Variants in ZNF26 observed in about 807,000 individuals in gnomAD.
The protein encoded by ZNF26 is epididymis luminal protein 179.
Under a neutral mutation model 54.9 loss-of-function variants are expected in ZNF26, and 32 were observed. The observed-to-expected ratio is 0.58, with a 90% CI of 0.44 to 0.78. ZNF26 has a LOEUF of 0.78. Ranked by LOEUF, ZNF26 falls within the 30% of genes least tolerant of loss-of-function variation. ZNF26 has a pLI of 0.00. For missense variants in ZNF26, 524 were observed against 634.0 expected, an observed-to-expected ratio of 0.83 and a Z score of 1.86; for synonymous variants, 221 against 209.2, an observed-to-expected ratio of 1.06 and a Z score of -0.49.
At chr12:132,999,086 G>A (rs1223427185) in intron 1 of ZNF26, among the ~76,000 whole-genome samples, 2 of 152,180 alleles carry the variant, frequency 1.3e-5, no homozygotes, top group Non-Finnish European at 2.9e-5. Context: ...GCAGCTCTTT[G>A]TCAGTCAGGT....
intron 1 of ZNF26, among the ~76,000 whole-genome samples, chr12:132,997,196 G>C (rs1313727267): frequency 6.6e-6 from 1 of 152,248 alleles, no homozygotes; most frequent in Non-Finnish European, 1.5e-5. Context: ...CAGAACAGGG[G>C]CTAATCAGAA....
At chr12:133,007,221 CT>C in intron 2 of ZNF26, 53 bp downstream of exon 2, 3 of 1,595,414 alleles carry the variant, frequency 1.9e-6, no homozygotes, top group Non-Finnish European at 1.7e-6. Flanking sequence ...ATTGCCATCC[CT>C]TTTTTTGTTG....
rs1431187047 is a variant in ZNF26 at position 133,018,019 on chromosome 12, A to G, written c.*6538A>G. ...GTGAGACTCCGTCTCAATAACAGCA[A>G]CAAAAAAAGCAATTATATAAAACAA... On this transcript the variant is annotated 3_prime_UTR_variant, in exon 4 of 4. Transcript: ENST00000328654. The G allele has an allele frequency of 6.6e-6, 1 of 152,288 alleles. No homozygotes were observed. The highest frequency in any genetic ancestry group is 1.5e-5 in the Non-Finnish European group (1 of 68,072). 9.4% of individuals were successfully genotyped at this position (152,288 alleles called of 1,614,324 possible).
At position 132,987,226 on chromosome 12, in the gene ZNF26, C is replaced by T. The variant is rs1952842298; in HGVS notation, c.33+353C>T. On this transcript the variant is annotated intron_variant, in intron 1 of 3. Transcript: ENST00000328654. Reference sequence around the variant, plus strand: ...GATCAGTTCCTCCTTTTTCGTTTGGCCAAATGCTTGTTTATGGAGTGTCCT... The same window carrying T: ...GATCAGTTCCTCCTTTTTCGTTTGGTCAAATGCTTGTTTATGGAGTGTCCT... Among the ~76,000 whole-genome samples the T allele has an allele frequency of 2.6e-5, 4 of 152,100 alleles. No homozygotes were observed. The South Asian group carries it at 8.3e-4, about 31-fold the overall frequency.
intron 1 of ZNF26, among the ~76,000 whole-genome samples, chr12:132,996,396 C>T (rs955427221): frequency 4.6e-4 from 70 of 152,334 alleles, no homozygotes; most frequent in African/African-American, 1.5e-3. Context: ...TCTTTTCTCT[C>T]GCAATTTTAG....
intron 1 of ZNF26, 165 bp from the exon 2 acceptor site, chr12:133,006,876 GC>G (rs1953342508): frequency 1.1e-6 from 1 of 905,402 alleles, no homozygotes; most frequent in Non-Finnish European, 1.7e-6. Context: ...GAGCCACCGT[GC>G]CTGGCACTCC....
intron 1 of ZNF26, among the ~76,000 whole-genome samples, chr12:133,000,157 T>C (rs1399901667): frequency 2.6e-5 from 4 of 152,174 alleles, no homozygotes; most frequent in African/African-American, 4.8e-5. Context: ...GACTGCTTCT[T>C]GGTCATAAAA....
chr12:132,986,984 C>G, intron 1 of ZNF26, 111 bp downstream of exon 1: 2 of 1,246,334 alleles, frequency 1.6e-6, no homozygotes, highest in Non-Finnish European at 2.3e-6. Context: ...TAATTGTGTG[C>G]GTAGTTTACT....
intron 1 of ZNF26, among the ~76,000 whole-genome samples, chr12:132,999,421 A>G (rs1953163278): frequency 1.3e-5 from 2 of 151,412 alleles, no homozygotes; most frequent in Admixed American, 1.3e-4. Flanking sequence ...CACCTGGCTG[A>G]TTTTTTTGTG....
In ZNF26 at chr12:133,024,591, C is replaced by T. The variant is rs1197553950; in HGVS notation, c.*13110C>T. 2 of 152,136 alleles carry T rather than the reference C, an allele frequency of 1.3e-5. No individual in the cohort carries two copies. Among genetic ancestry groups the T allele is most frequent in the Admixed American group, 1.3e-4 (2 of 15,270 alleles). 9.4% of individuals were successfully genotyped at this position (152,136 alleles called of 1,614,324 possible). A position where few individuals can be genotyped will look rare whatever the true frequency, so the allele number is the denominator to read the frequency against. ...AAAGCATTCTCAAAGTACGAAAGCT[C>T]CTCAGGGAAAAGATGTAATCCAAGG... On this transcript the variant is annotated 3_prime_UTR_variant, in exon 4 of 4. Transcript: ENST00000328654.
In ZNF26 at chr12:133,026,953, A is replaced by G. The variant is rs1041769302; in HGVS notation, c.*15472A>G. On this transcript the variant is annotated 3_prime_UTR_variant, in exon 4 of 4. Coordinates refer to ENST00000328654, the MANE Select transcript of ZNF26 (RefSeq NM_019591.4). ...ATAAATACCTATATAGGTTAAGAAAAATATTCAATAAATTGGAACAATTCT... is the reference window on the plus strand; with the variant it reads ...ATAAATACCTATATAGGTTAAGAAAGATATTCAATAAATTGGAACAATTCT... 2 of 152,190 alleles carry G rather than the reference A, an allele frequency of 1.3e-5. No individual in the cohort carries two copies. Among genetic ancestry groups the G allele is most frequent in the African/African-American group, 2.4e-5 (1 of 41,450 alleles). 9.4% of individuals were successfully genotyped at this position (152,190 alleles called of 1,614,324 possible).
intron 1 of ZNF26, chr12:133,006,281 CTT>C (rs1953324396): frequency 1.0e-6 from 1 of 985,312 alleles, no homozygotes; most frequent in African/African-American, 1.7e-5. Context: ...GATAAACTCT[CTT>C]GTTTATCCCC....
chr12:133,006,787 GT>G (rs1477031353), intron 1 of ZNF26: 13 of 383,414 alleles, frequency 3.4e-5, no homozygotes, highest in Non-Finnish European at 5.3e-5. Context: ...TAGAGACAGG[GT>G]TTCACCATCT....
rs1243723877 is a variant in ZNF26, at chr12:133,013,186, T to C, written c.*1705T>C. The stretch of plus-strand genomic sequence containing the variant: ...CAGGGGCAGAGATGGCTGATTTTGA[T>C]CTTGCTGGATCTTAGACCATGAGAA... On this transcript the variant is annotated 3_prime_UTR_variant, in exon 4 of 4. Coordinates refer to ENST00000328654, the MANE Select transcript of ZNF26 (RefSeq NM_019591.4). 7 of 152,232 alleles carry C rather than the reference T, an allele frequency of 4.6e-5. No homozygotes were observed. The highest frequency in any genetic ancestry group is 1.4e-4 in the African/African-American group (6 of 41,456). 9.4% of individuals were successfully genotyped at this position (152,232 alleles called of 1,614,324 possible).
chr12:133,001,538 A>G lies in ZNF26; in HGVS notation c.34-5504A>G. 1.6e-6 allele frequency: 1 copy of G among 626,616 alleles called. No homozygotes were observed. Among genetic ancestry groups the G allele is most frequent in the Non-Finnish European group, 2.5e-6 (1 of 405,178 alleles). The allele number at this position is 626,616 out of a possible 1,614,324, so 38.8% of individuals were successfully genotyped here. A position where few individuals can be genotyped will look rare whatever the true frequency, so the allele number is the denominator to read the frequency against. On this transcript the variant is annotated intron_variant, in intron 1 of 3. Transcript: ENST00000328654. This position sits in a 1 kb window ranked among gnomAD's most constrained non-coding sequence, Gnocchi z 4.7. ...AGCCTCTGACAGGGCTCTGCCCTGC[A>G]GTTCCATGGTGTATGTGATTCTTTC...
chr12:133,004,499 T>C (rs1400439159), intron 1 of ZNF26: 1 of 152,224 alleles, frequency 6.6e-6, no homozygotes, highest in African/African-American at 2.4e-5. Context: ...AATTTTTTTT[T>C]TTTAGAGACA....
chr12:132,993,158 G>A (rs1211314649), intron 1 of ZNF26, among the ~76,000 whole-genome samples: 1 of 150,980 alleles, frequency 6.6e-6, no homozygotes, highest in Non-Finnish European at 1.5e-5. Context: ...CTGAGTAGCT[G>A]GGACTACAGG....
intron 2 of ZNF26, 106 bp from the exon 3 acceptor site, chr12:133,007,331 G>A: frequency 7.6e-7 from 1 of 1,314,190 alleles, no homozygotes; most frequent in Non-Finnish European, 1.1e-6. Context: ...CTTCCTAATT[G>A]TAATCTTTCC....
chr12:133,019,027 A>T lies in ZNF26; in HGVS notation c.*7546A>T, dbSNP rs1953603590. The T allele has an allele frequency of 6.6e-6, 1 of 152,218 alleles. No homozygotes were observed. Among genetic ancestry groups the T allele is most frequent in the Admixed American group, 6.5e-5 (1 of 15,270 alleles). 9.4% of individuals were successfully genotyped at this position (152,218 alleles called of 1,614,324 possible). On this transcript the variant is annotated 3_prime_UTR_variant, in exon 4 of 4. Coordinates refer to ENST00000328654, the MANE Select transcript of ZNF26 (RefSeq NM_019591.4). The stretch of plus-strand genomic sequence containing the variant: ...GATACAATTGGATTAGAAGTAAAGG[A>T]TGGAAAAAGATATAAAACGCAAACA...
Sources: allele counts gnomAD v4.1 joint callset (sites outside exome capture counted in the v4.1 genomes callset), GRCh38; gene constraint gnomAD v4.1.1; non-coding constraint Gnocchi (gnomAD v3.1); transcripts MANE v1.5; gene names NCBI Gene and HGNC (gene_info 2026-07-23, HGNC 2026-07-21).